The following DYNC2H1 variants were observed in gnomAD, a reference collection of about 807,000 sequenced individuals.
DYNC2H1 encodes the protein dynein cytoplasmic 2 heavy chain 1, also known as cytoplasmic dynein 2 heavy chain 1.
In DYNC2H1, 410 loss-of-function variants were observed where a neutral mutation model predicts 570.0. The observed-to-expected ratio is 0.72, with a 90% CI of 0.66 to 0.78. The LOEUF (loss-of-function observed/expected upper bound fraction) is 0.78. DYNC2H1 is among the 30% of genes least tolerant of loss of function. The pLI is 0.00. For missense variants in DYNC2H1, 4,865 were observed against 5,046.4 expected (o/e 0.96, Z 1.09); for synonymous variants, 1,688 against 1,677.6 (o/e 1.01, Z -0.15).
chr11:103,263,392 A>G (rs1265803155), intron 70 of DYNC2H1, among the ~76,000 whole-genome samples: 1 of 152,182 alleles, frequency 6.6e-6, no homozygotes, highest in Non-Finnish European at 1.5e-5. Context: ...CTCCACTCCA[A>G]ATCAACAGAA....
At chr11:103,212,745 A>G (rs148825515) in intron 54 of DYNC2H1, among the ~76,000 whole-genome samples, 55 of 152,212 alleles carry the variant, frequency 3.6e-4, no homozygotes, top group African/African-American at 1.3e-3. Flanking sequence ...CTTAATTGAC[A>G]TAATTATCTT....
chr11:103,423,464 T>C (rs1245857074), intron 84 of DYNC2H1, among the ~76,000 whole-genome samples: 4 of 113,020 alleles, frequency 3.5e-5, no homozygotes, highest in Admixed American at 2.6e-4. Context: ...TCCAAAGATA[T>C]ACAAAAATTA....
intron 82 of DYNC2H1, among the ~76,000 whole-genome samples, chr11:103,355,031 A>C (rs1940271131): frequency 6.6e-6 from 1 of 151,658 alleles, no homozygotes; most frequent in Non-Finnish European, 1.5e-5. Context: ...AAGAGTTTTA[A>C]TTTTCTTCTC....
intron 83 of DYNC2H1, among the ~76,000 whole-genome samples, chr11:103,371,046 A>G (rs1330053150): frequency 6.6e-6 from 1 of 152,172 alleles, no homozygotes; most frequent in Admixed American, 6.6e-5. Flanking sequence ...CTACTTTGAG[A>G]AAACTCAAAC....
intron 54 of DYNC2H1, among the ~76,000 whole-genome samples, chr11:103,213,879 G>A (rs1863262524): frequency 6.6e-6 from 1 of 152,154 alleles, no homozygotes; most frequent in Non-Finnish European, 1.5e-5. Flanking sequence ...ATGCTTTTGA[G>A]GTCTTAACCA....
chr11:103,282,241 TAAC>T lies in DYNC2H1; in HGVS notation c.10812+15_10812+17del, dbSNP rs954880915. On this transcript the variant is annotated intron_variant, in intron 72 of 88. Transcript: ENST00000375735. ...TGTTACGGAAAGCTGTAAGTTAAAA[TAAC>T]AAAATCTATTTTGCTCTTAAAGAAA... 1 of 1,606,702 alleles carries T rather than the reference TAAC, an allele frequency of 6.2e-7. No individual in the cohort carries two copies. The highest frequency in any genetic ancestry group is 1.3e-5 in the African/African-American group (1 of 74,536).
At chr11:103,137,254 G>T (rs1309800932) in intron 17 of DYNC2H1, among the ~76,000 whole-genome samples, 3 of 147,082 alleles carry the variant, frequency 2.0e-5, no homozygotes, top group South Asian at 2.2e-4. Context: ...GTCAATTTTG[G>T]CTTTTGTTGC....
chr11:103,356,666 C>A (rs1485698091), intron 82 of DYNC2H1, among the ~76,000 whole-genome samples: 2 of 152,040 alleles, frequency 1.3e-5, no homozygotes, highest in Non-Finnish European at 2.9e-5. Flanking sequence ...TCAGCTAGAG[C>A]AAATGAAAAT....
chr11:103,339,879 C>G (rs1939354990), intron 82 of DYNC2H1, among the ~76,000 whole-genome samples: 1 of 152,226 alleles, frequency 6.6e-6, no homozygotes, highest in Admixed American at 6.5e-5. Flanking sequence ...CAGGGATGGT[C>G]TGTTTGCCCC....
chr11:103,238,761 G>T (rs1033115015), intron 63 of DYNC2H1, among the ~76,000 whole-genome samples: 2 of 152,152 alleles, frequency 1.3e-5, no homozygotes, highest in East Asian at 1.9e-4. Context: ...ATGTATTGCC[G>T]CAGAGAGTAA....
At chr11:103,271,355 T>G (rs567099585) in intron 70 of DYNC2H1, among the ~76,000 whole-genome samples, 28 of 152,302 alleles carry the variant, frequency 1.8e-4, no homozygotes, top group African/African-American at 6.7e-4. Flanking sequence ...GTGCATAAAA[T>G]TATTCATGAA....
intron 35 of DYNC2H1, among the ~76,000 whole-genome samples, chr11:103,173,762 A>G (rs1369629763): frequency 6.6e-6 from 1 of 152,150 alleles, no homozygotes; most frequent in African/African-American, 2.4e-5. Context: ...GATTGAGAGC[A>G]AGATGGATTG....
chr11:103,314,887 T>C (rs1358270516), intron 79 of DYNC2H1, among the ~76,000 whole-genome samples: 2 of 152,048 alleles, frequency 1.3e-5, no homozygotes, highest in South Asian at 2.1e-4. Context: ...GTATTAAACA[T>C]TTTTTAAAAA....
At chr11:103,233,502 G>GA (rs914692890) in intron 60 of DYNC2H1, among the ~76,000 whole-genome samples, 1 of 151,830 alleles carries the variant, frequency 6.6e-6, no homozygotes, top group African/African-American at 2.4e-5. Flanking sequence ...AATGAATTTT[G>GA]AAATTTTATT....
intron 47 of DYNC2H1, among the ~76,000 whole-genome samples, chr11:103,195,971 G>A (rs138477614): frequency 2.1e-3 from 314 of 152,186 alleles, no homozygotes; most frequent in South Asian, 4.1e-3. Context: ...TCCAGACAAG[G>A]GAAAAACAAT....
chr11:103,198,844 T>C (rs1337558741), intron 48 of DYNC2H1, among the ~76,000 whole-genome samples: 1 of 152,214 alleles, frequency 6.6e-6, no homozygotes, highest in Non-Finnish European at 1.5e-5. Flanking sequence ...AAAGATTTTT[T>C]AGGCACTAGA....
At chr11:103,346,978 G>A (rs1939775473) in intron 82 of DYNC2H1, among the ~76,000 whole-genome samples, 1 of 152,198 alleles carries the variant, frequency 6.6e-6, no homozygotes, top group Non-Finnish European at 1.5e-5. Context: ...ATCAATCTTT[G>A]CATCACAAAG....
chr11:103,312,019 A>C lies in DYNC2H1; in HGVS notation c.11635A>C (p.Asn3879His), dbSNP rs1396615880. Residue 3879 changes from asparagine (N) to histidine (H), a missense_variant, in exon 79 of 89, where the codon AAC (asparagine) becomes CAC (histidine). Transcript: ENST00000375735. ...TCATGCTGCATGTCAAGAAAGAAGA[A>C]ACTATATTCCTCAGGTAAGTAAGAA... is the stretch of plus-strand genomic sequence containing the variant. ...WFHAACQERR[N>H]YIPQGWTKFY... is the part of the protein sequence containing the mutation. The C allele has an allele frequency of 2.5e-6, 4 of 1,611,210 alleles. No individual in the cohort carries two copies. The highest frequency in any genetic ancestry group is 2.5e-6 in the Non-Finnish European group (3 of 1,179,188).
intron 82 of DYNC2H1, among the ~76,000 whole-genome samples, chr11:103,332,202 A>G (rs996420939): frequency 9.2e-5 from 14 of 152,150 alleles, no homozygotes; most frequent in Non-Finnish European, 1.3e-4. Flanking sequence ...AGAGATGAAG[A>G]CTGTCTTCAA....
Sources: gnomAD v4.1 joint callset for allele counts (sites outside exome capture counted in the v4.1 genomes callset) on GRCh38, gnomAD v4.1.1 for gene constraint, MANE v1.5 for transcripts, NCBI Gene and HGNC (gene_info 2026-07-23, HGNC 2026-07-21) for gene names.